The following ULK1 variants were observed in gnomAD, a reference collection of about 807,000 sequenced individuals.
ULK1 encodes unc-51 like autophagy activating kinase 1.
Under a neutral mutation model 117.5 loss-of-function variants are expected in ULK1, and 48 were observed. The observed-to-expected ratio is 0.41, with a 90% CI of 0.32 to 0.52. ULK1 has a LOEUF of 0.52. Ranked by LOEUF, ULK1 falls within the 20% of genes least tolerant of loss-of-function variation. The pLI is 0.29. For synonymous variants in ULK1, 790 were observed against 637.8 expected (o/e 1.24, Z -3.60); for missense variants, 1,387 against 1,473.4 (o/e 0.94, Z 0.96).
intron 5 of ULK1, 78 bp from the exon 6 acceptor site, chr12:131,908,566 G>A: frequency 7.1e-7 from 1 of 1,404,752 alleles, no homozygotes; most frequent in Non-Finnish European, 9.2e-7. Context: ...CCGTGTGGCG[G>A]GACCGGCCTG....
At position 131,919,092 on chromosome 12, in the gene ULK1, G is replaced by C. The variant is rs1316980154; in HGVS notation, c.2512-120G>C. On this transcript the variant is annotated intron_variant, in intron 23 of 27. Transcript: ENST00000321867. ...GGCGTGGCACATCCCAGCTGCCCGG[G>C]CTGCAGCAGGGGAGGGTACCCTGCC... 4.3e-6 allele frequency: 5 copies of C among 1,162,004 alleles called. No individual in the cohort carries two copies. In the Admixed American group the frequency reaches 1.4e-4, roughly 33 times the overall value. The allele number at this position is 1,162,004 out of a possible 1,614,324, so 72.0% of individuals were successfully genotyped here.
chr12:131,917,112 G>C (rs752298202), intron 21 of ULK1, 50 bp downstream of exon 21: 44 of 1,278,572 alleles, frequency 3.4e-5, no homozygotes, highest in South Asian at 8.3e-5. Context: ...GTCGGAGGCT[G>C]TGGGATGGGG....
rs375971375 is a variant in ULK1 at position 131,915,905 on chromosome 12, G to A, written c.1624G>A (p.Glu542Lys). 4 of 1,611,170 alleles carry A rather than the reference G, an allele frequency of 2.5e-6. No individual in the cohort carries two copies. The highest frequency in any genetic ancestry group is 2.7e-5 in the African/African-American group (2 of 74,898). ...RSPRPGSSAP[E>K]HSPRTSGLGC... ...TCTCTCTCTAGGCTCCTCTGCACCCGAGCACTCTCCCCGCACTTCCGGGCT... is the reference window on the plus strand; with the variant it reads ...TCTCTCTCTAGGCTCCTCTGCACCCAAGCACTCTCCCCGCACTTCCGGGCT... The change falls in exon 19 of 28, where the codon GAG becomes AAG. Residue 542 changes from glutamate to lysine, a missense_variant. This residue lies in a region of ULK1 where 900 missense variants were observed against 858.9 expected (regional missense o/e 1.05). Coordinates refer to ENST00000321867, the MANE Select transcript of ULK1 (RefSeq NM_003565.4).
At position 131,911,953 on chromosome 12, in the gene ULK1, G is replaced by A; in HGVS notation, c.960G>A (p.Glu320=). 1 of 1,612,832 alleles carries A rather than the reference G, an allele frequency of 6.2e-7. No individual in the cohort carries two copies. The highest frequency in any genetic ancestry group is 8.5e-7 in the Non-Finnish European group (1 of 1,179,974). ...SHLASPPSLG[E]MQQLQKTLAS... ...CCGTTGACTCTCAGTCCCTGGGCGAGATGCAGCAGCTGCAGAAGACCCTGG... is the reference window on the plus strand; with the variant it reads ...CCGTTGACTCTCAGTCCCTGGGCGAAATGCAGCAGCTGCAGAAGACCCTGG... The change falls in exon 13 of 28, where the codon GAG becomes GAA. Residue 320 remains glutamate (E), a synonymous_variant. Transcript: ENST00000321867.
rs576217241 is a variant in ULK1, at chr12:131,909,659, C to T, written c.667-116C>T. ...AACAGCCGCGCTAGCACCCGGTTTC[C>T]CCCGGGCTTCGCAGCGTCTGGGGCA... is the stretch of plus-strand genomic sequence containing the variant. On this transcript the variant is annotated intron_variant, in intron 8 of 27. Coordinates refer to ENST00000321867, the MANE Select transcript of ULK1 (RefSeq NM_003565.4). 244 of 1,132,510 alleles carry T rather than the reference C, an allele frequency of 2.2e-4. 2 individuals carry two copies. The East Asian group carries it at 6.4e-3, about 30-fold the overall frequency. The allele number at this position is 1,132,510 out of a possible 1,614,324, so 70.2% of individuals were successfully genotyped here. A position where few individuals can be genotyped will look rare whatever the true frequency, so the allele number is the denominator to read the frequency against.
chr12:131,905,327 C>T (rs140734588), intron 3 of ULK1, among the ~76,000 whole-genome samples: 2,404 of 152,192 alleles, frequency 0.016, 59 homozygotes, highest in African/African-American at 0.052. Flanking sequence ...TGCGGCTGTC[C>T]CCCCCACCAG....
chr12:131,919,080 C>T (rs1253821329), intron 23 of ULK1, 132 bp from the exon 24 acceptor site: 3 of 1,058,092 alleles, frequency 2.8e-6, no homozygotes, highest in East Asian at 5.3e-5. Flanking sequence ...GTGGCACATC[C>T]CAGCTGCCCG....
chr12:131,895,505 C>A, intron 1 of ULK1, 96 bp from the exon 2 acceptor site: 1 of 1,051,358 alleles, frequency 9.5e-7, no homozygotes, highest in Non-Finnish European at 1.4e-6. Context: ...GGATTCCCAA[C>A]CGGGATCATC....
chr12:131,895,618 C>A lies in ULK1; in HGVS notation c.129C>A (p.Val43=), dbSNP rs574411638. 6.2e-7 allele frequency: 1 copy of A among 1,613,748 alleles called. No homozygotes were observed. Residue 43 remains valine (V), a synonymous_variant, in exon 2 of 28, where the codon GTC becomes GTA. Coordinates refer to ENST00000321867, the MANE Select transcript of ULK1 (RefSeq NM_003565.4). The stretch of plus-strand genomic sequence containing the variant: ...GCTTTCAGAAGCACGATTTGGAGGT[C>A]GCCGTCAAGTGCATTAACAAGAAGA... ...GRHREKHDLE[V]AVKCINKKNL... is the part of the protein sequence containing the mutation.
chr12:131,912,366 G>A (rs928992352), intron 13 of ULK1, among the ~76,000 whole-genome samples: 6 of 152,146 alleles, frequency 3.9e-5, no homozygotes, highest in South Asian at 2.1e-4. Flanking sequence ...GGTGGGGGCC[G>A]CTCACCTCAT....
intron 3 of ULK1, chr12:131,906,640 A>C: frequency 1.7e-6 from 1 of 573,222 alleles, no homozygotes; most frequent in Non-Finnish European, 3.1e-6. Flanking sequence ...GTCCTCTGCC[A>C]GGAGCTGTTG....
In ULK1 at chr12:131,902,714, C is replaced by G. The variant is rs1889134498; in HGVS notation, c.247-4178C>G. Among the ~76,000 whole-genome samples the G allele has an allele frequency of 6.6e-6, 1 of 152,180 alleles. No homozygotes were observed. Among genetic ancestry groups the G allele is most frequent in the East Asian group, 1.9e-4 (1 of 5,166 alleles). ...GGGTGGGGGTGATGGTGCAGGGAGC[C>G]TGGTGTGTTTGATTAGGGCATGGGC... On this transcript the variant is annotated intron_variant, in intron 3 of 27. Transcript: ENST00000321867. This position sits in a 1 kb window ranked among gnomAD's most constrained non-coding sequence, Gnocchi z 6.3.
chr12:131,894,715 C>T lies in ULK1; in HGVS notation c.-287C>T, dbSNP rs1176762356. ...GCCGAGCCCGGGCCCTAGTTGGAGC[C>T]GGAGTCGGAGTCGGAGTCGGATCCG... is the stretch of plus-strand genomic sequence containing the variant. On this transcript the variant is annotated 5_prime_UTR_variant, in exon 1 of 28. Transcript: ENST00000321867. The T allele has an allele frequency of 6.6e-6, 1 of 151,132 alleles. No individual in the cohort carries two copies. The highest frequency in any genetic ancestry group is 2.4e-5 in the African/African-American group (1 of 41,060). The allele number at this position is 151,132 out of a possible 1,614,324, so 9.4% of individuals were successfully genotyped here.
At chr12:131,911,898 T>C (rs769226663) in intron 12 of ULK1, 44 bp from the exon 13 acceptor site, 8 of 1,612,512 alleles carry the variant, frequency 5.0e-6, no homozygotes, top group Middle Eastern at 1.7e-4. Context: ...CCTGAGTGTG[T>C]AGGTCCCTGA....
chr12:131,914,560 G>A, intron 16 of ULK1, 83 bp downstream of exon 16: 1 of 1,519,026 alleles, frequency 6.6e-7, no homozygotes, highest in Non-Finnish European at 8.9e-7. Context: ...TAGAGGGACA[G>A]GGTCGTCATC....
At chr12:131,919,877 GA>G in intron 25 of ULK1, 101 bp from the exon 26 acceptor site, 1 of 1,479,244 alleles carries the variant, frequency 6.8e-7, no homozygotes, top group East Asian at 2.4e-5. Context: ...CTGTGGCAGG[GA>G]GGGAGGGACG....
At chr12:131,895,375 AACCCTCACCCCGGG>A (rs1486757198) in intron 1 of ULK1, among the ~76,000 whole-genome samples, 1 of 146,214 alleles carries the variant, frequency 6.8e-6, no homozygotes, top group Non-Finnish European at 1.5e-5. Flanking sequence ...TTCCTGTCCA[AACCCTCACCCCGGG>A]ACACCCCGCA....
At chr12:131,908,498 G>T in intron 5 of ULK1, 146 bp from the exon 6 acceptor site, 1 of 998,418 alleles carries the variant, frequency 1.0e-6, no homozygotes, top group African/African-American at 1.7e-5. Context: ...GTGGTGGCTT[G>T]TGCCCCTCCT....
rs34936984 is a variant in ULK1 at position 131,917,462 on chromosome 12, G to T, written c.2234G>T (p.Gly745Val). The change falls in exon 22 of 28, where the codon GGC (glycine) becomes GTC (valine). Residue 745 changes from glycine to valine, a missense_variant. Transcript: ENST00000321867. ...CTGCACCCAGGAGCCCGTGCTGGGG[G>T]CACCAGCAGCCCTTCCCCGGTGGTC... ...GSLHPGARAG[G>V]TSSPSPVVFT... is the part of the protein sequence containing the mutation. 2.5e-3 allele frequency: 3,761 copies of T among 1,528,494 alleles called. 23 individuals are homozygous for T. The highest frequency in any genetic ancestry group is 5.5e-3 in the Middle Eastern group (30 of 5,484). 94.7% of individuals were successfully genotyped at this position (1,528,494 alleles called of 1,614,324 possible). A position where few individuals can be genotyped will look rare whatever the true frequency, so the allele number is the denominator to read the frequency against.
Sources: allele counts gnomAD v4.1 joint callset (sites outside exome capture counted in the v4.1 genomes callset), GRCh38; gene constraint gnomAD v4.1.1; regional missense constraint gnomAD v4.1.1; non-coding constraint Gnocchi (gnomAD v3.1); transcripts MANE v1.5; gene names NCBI Gene and HGNC (gene_info 2026-07-23, HGNC 2026-07-21).